PLEKHG1: variants seen among roughly 807,000 people sequenced by gnomAD.
PLEKHG1 encodes pleckstrin homology and RhoGEF domain containing G1, also known as pleckstrin homology domain-containing family G member 1.
In PLEKHG1, 44 loss-of-function variants were observed where a neutral mutation model predicts 100.8. The ratio of observed to expected loss-of-function variants is 0.44; its 90% CI spans 0.34 to 0.56. The LOEUF (loss-of-function observed/expected upper bound fraction) is 0.56, where lower values mean the gene tolerates loss of function less well. Among genes scored for constraint, PLEKHG1 ranks in the 20% least tolerant of loss-of-function variants. The probability of loss-of-function intolerance (pLI) is 0.01; values close to 1 mark genes in which losing one functional copy is unlikely to be tolerated. For missense variants in PLEKHG1, 1,545 were observed against 1,720.9 expected, an observed-to-expected ratio of 0.90 and a Z score of 1.81; for synonymous variants, 640 against 662.5, an observed-to-expected ratio of 0.97 and a Z score of 0.52.
Position 150,638,127 on chromosome 6 carries a change from T to C in PLEKHG1, c.-158+2T>C, listed in dbSNP as rs1183183503. The C allele has an allele frequency of 6.6e-6, 1 of 152,168 alleles. No individual in the cohort carries two copies. The highest frequency in any genetic ancestry group is 2.4e-5 in the African/African-American group (1 of 41,440). 9.4% of individuals were successfully genotyped at this position (152,168 alleles called of 1,614,324 possible). A position where few individuals can be genotyped will look rare whatever the true frequency, so the allele number is the denominator to read the frequency against. Reference sequence around the variant, plus strand: ...GATATTGCCCTGGCCCTTAAGAAGGTATTGTTCTTCAAAGATGATCTTCTT... The same window carrying C: ...GATATTGCCCTGGCCCTTAAGAAGGCATTGTTCTTCAAAGATGATCTTCTT... On this transcript the variant is annotated splice_donor_variant, in intron 2 of 3. Transcript: ENST00000367326. LOFTEE classifies it low-confidence loss of function (5UTR_SPLICE).
chr6:150,756,423 A>G (rs3734410), intron 2 of PLEKHG1, among the ~76,000 whole-genome samples: 17,995 of 152,162 alleles, frequency 0.12, 1,150 homozygotes, highest in East Asian at 0.16. Flanking sequence ...ATTGTTTTTG[A>G]TACAATGAGC....
intron 14 of PLEKHG1, chr6:150,827,748 T>C (rs979688679): frequency 2.9e-6 from 4 of 1,397,048 alleles, no homozygotes; most frequent in African/African-American, 2.8e-5. Flanking sequence ...ATTGGAAGAA[T>C]TGGAAGAGGA....
intron 2 of PLEKHG1, among the ~76,000 whole-genome samples, chr6:150,753,830 A>G (rs1783668975): frequency 6.6e-6 from 1 of 152,194 alleles, no homozygotes. Flanking sequence ...CAAGGGAGGA[A>G]TGTTGGGCTG....
intron 1 of PLEKHG1, among the ~76,000 whole-genome samples, chr6:150,731,712 C>G (rs2128616508): frequency 1.3e-5 from 2 of 152,216 alleles, no homozygotes; most frequent in Admixed American, 1.3e-4. Flanking sequence ...GGTAACCTAG[C>G]AAAATTAAGC....
intron 3 of PLEKHG1, among the ~76,000 whole-genome samples, chr6:150,711,562 G>A (rs1781243253): frequency 6.6e-6 from 1 of 152,154 alleles, no homozygotes; most frequent in Non-Finnish European, 1.5e-5. Flanking sequence ...GACACACTTG[G>A]TGAGATGTTG....
chr6:150,716,090 A>G (rs1306468718), upstream of PLEKHG1, among the ~76,000 whole-genome samples: 3 of 126,392 alleles, frequency 2.4e-5, no homozygotes, highest in Admixed American at 7.9e-5. Context: ...CCTGGGCGAC[A>G]GAGCGAGACT....
intron 15 of PLEKHG1, among the ~76,000 whole-genome samples, chr6:150,834,371 C>T (rs1048403142): frequency 3.3e-5 from 5 of 152,084 alleles, no homozygotes; most frequent in African/African-American, 9.7e-5. Context: ...ATTGCAAGCA[C>T]TGACTAAGTC....
chr6:150,818,995 T>A (rs1169825899), intron 11 of PLEKHG1, among the ~76,000 whole-genome samples: 2 of 152,152 alleles, frequency 1.3e-5, no homozygotes, highest in African/African-American at 4.8e-5. Flanking sequence ...CCACCATCGC[T>A]GCAGCTGAGG....
At chr6:150,807,351 A>C (rs906316839) in intron 7 of PLEKHG1, among the ~76,000 whole-genome samples, 1 of 152,162 alleles carries the variant, frequency 6.6e-6, no homozygotes, top group Admixed American at 6.5e-5. Flanking sequence ...CTGGTTTTTC[A>C]TACTGTGTGA....
In PLEKHG1 at chr6:150,786,555, A is replaced by G. The variant is rs77877177; in HGVS notation, c.582+96A>G. 3,605 of 786,838 alleles carry G rather than the reference A, an allele frequency of 4.6e-3. 95 individuals carry two copies. The African/African-American group carries it at 0.053, about 12-fold the overall frequency. 48.7% of individuals were successfully genotyped at this position (786,838 alleles called of 1,614,324 possible). A position where few individuals can be genotyped will look rare whatever the true frequency, so the allele number is the denominator to read the frequency against. The stretch of plus-strand genomic sequence containing the variant: ...AAATGACTGGTTTGTTTCATATCAG[A>G]TAGAGTTAGCCACTAATCTTTCTCT... On this transcript the variant is annotated intron_variant, in intron 4 of 15. Coordinates refer to ENST00000358517, the Ensembl canonical transcript of PLEKHG1.
chr6:150,612,987 T>G (rs1776915453), intron 1 of PLEKHG1, among the ~76,000 whole-genome samples: 1 of 152,068 alleles, frequency 6.6e-6, no homozygotes, highest in Non-Finnish European at 1.5e-5. Flanking sequence ...CATCTCAGAG[T>G]CAGAAGCAAG....
intron 3 of PLEKHG1, among the ~76,000 whole-genome samples, chr6:150,671,841 T>C (rs922891954): frequency 6.6e-6 from 1 of 151,824 alleles, no homozygotes; most frequent in Non-Finnish European, 1.5e-5. Flanking sequence ...GGGGATGGGG[T>C]TGGAGAGAGA....
intron 1 of PLEKHG1, 45 bp from the exon 3 acceptor site, chr6:150,733,539 T>C: frequency 6.7e-7 from 1 of 1,490,302 alleles, no homozygotes; most frequent in Non-Finnish European, 9.0e-7. Context: ...CTCTGCTTGA[T>C]AGAATTGCTT....
At chr6:150,837,030 T>G (rs1322286781) in intron 15 of PLEKHG1, among the ~76,000 whole-genome samples, 2 of 151,754 alleles carry the variant, frequency 1.3e-5, no homozygotes, top group East Asian at 3.9e-4. Context: ...GGCGTGGTGG[T>G]GGGTGCCTGT....
chr6:150,741,488 C>T (rs756279843), intron 2 of PLEKHG1, among the ~76,000 whole-genome samples: 8 of 152,182 alleles, frequency 5.3e-5, no homozygotes, highest in Non-Finnish European at 7.3e-5. Flanking sequence ...TCTAGATAGA[C>T]GCCTCAATAA....
In PLEKHG1 at chr6:150,733,903, G is replaced by C. The variant is rs147707807; in HGVS notation, c.222G>C (p.Thr74=). The change falls in exon 2 of 16, where the codon ACG becomes ACC. Residue 74 remains threonine, a synonymous_variant. Transcript: ENST00000358517. The stretch of plus-strand genomic sequence containing the variant: ...AGCTGCAGAGGGACAACCCCGCCAC[G>C]GGGCAACAGAACGCGGATGAGGGCA... 5.8e-4 allele frequency: 939 copies of C among 1,614,178 alleles called. 3 individuals are homozygous for C. The Admixed American group carries it at 6.5e-3, about 11-fold the overall frequency.
chr6:150,676,869 C>T (rs1361808091), intron 3 of PLEKHG1, among the ~76,000 whole-genome samples: 1 of 152,160 alleles, frequency 6.6e-6, no homozygotes, highest in East Asian at 1.9e-4. Flanking sequence ...ATGGCAATGC[C>T]AGCCCCAAGG....
intron 3 of PLEKHG1, among the ~76,000 whole-genome samples, chr6:150,769,509 G>A (rs1203177917): frequency 2.0e-5 from 3 of 146,718 alleles, no homozygotes; most frequent in African/African-American, 7.7e-5. Flanking sequence ...TCGAACCCAG[G>A]AGGTGGAAGT....
At chr6:150,634,930 T>C (rs1232016353) in intron 1 of PLEKHG1, among the ~76,000 whole-genome samples, 1 of 152,202 alleles carries the variant, frequency 6.6e-6, no homozygotes, top group Non-Finnish European at 1.5e-5. Context: ...CAAGAAGAGT[T>C]GGGAGCATTT....
Sources: gnomAD v4.1 joint callset for allele counts (sites outside exome capture counted in the v4.1 genomes callset) on GRCh38, gnomAD v4.1.1 for gene constraint, MANE v1.5 for transcripts, NCBI Gene and HGNC (gene_info 2026-07-23, HGNC 2026-07-21) for gene names.